The following GIT2 variants were observed in gnomAD, a reference collection of about 807,000 sequenced individuals.
GIT2 encodes the protein ARF GTPase-activating protein GIT2.
A neutral mutation model predicts 100.3 loss-of-function variants in GIT2; 32 were observed. The observed-to-expected ratio is 0.32, with a 90% CI of 0.24 to 0.43. The LOEUF (loss-of-function observed/expected upper bound fraction) is 0.43, where lower values mean the gene tolerates loss of function less well. Among genes scored for constraint, GIT2 ranks in the 20% least tolerant of loss-of-function variants. GIT2 has a pLI of 1.00. For synonymous variants in GIT2, 353 were observed against 364.1 expected (o/e 0.97, Z 0.35); for missense variants, 737 against 975.1 (o/e 0.76, Z 3.25).
chr12:109,992,607 G>A (rs1888630975), intron 1 of GIT2, among the ~76,000 whole-genome samples: 1 of 152,192 alleles, frequency 6.6e-6, no homozygotes, highest in South Asian at 2.1e-4. Flanking sequence ...CTATGGTTCT[G>A]AGGACAGGGA....
intron 2 of GIT2, among the ~76,000 whole-genome samples, chr12:109,990,224 C>T (rs1426166517): frequency 1.3e-5 from 2 of 152,154 alleles, no homozygotes; most frequent in Admixed American, 6.5e-5. Context: ...TTCCCATACA[C>T]AGTAAAATAA....
intron 2 of GIT2, among the ~76,000 whole-genome samples, chr12:109,990,546 G>A (rs1319886105): frequency 6.6e-6 from 1 of 152,224 alleles, no homozygotes; most frequent in Non-Finnish European, 1.5e-5. Flanking sequence ...CAGCAGTGTA[G>A]TTATTTTCAC....
intron 16 of GIT2, among the ~76,000 whole-genome samples, chr12:109,942,084 C>T (rs560488840): frequency 6.6e-6 from 1 of 152,148 alleles, no homozygotes; most frequent in Non-Finnish European, 1.5e-5. Flanking sequence ...TTTGGCCTCC[C>T]AAAGTGCTGG....
rs979653077 is a variant in GIT2, at chr12:109,989,175, A to G, written c.300-107T>C. On this transcript the variant is annotated intron_variant, in intron 3 of 19. Transcript: ENST00000355312. ...AGTGACCCACATCCCCCACTTGAGAATAAAATGAACAATGCTCAAGTAAGT... is the reference window on the plus strand; with the variant it reads ...AGTGACCCACATCCCCCACTTGAGAGTAAAATGAACAATGCTCAAGTAAGT... 4 of 739,582 alleles carry G rather than the reference A, an allele frequency of 5.4e-6. No individual in the cohort carries two copies. In the Admixed American group the frequency reaches 6.1e-5, roughly 11 times the overall value. The allele number at this position is 739,582 out of a possible 1,614,324, so 45.8% of individuals were successfully genotyped here. A position where few individuals can be genotyped will look rare whatever the true frequency, so the allele number is the denominator to read the frequency against.
upstream of GIT2, chr12:109,996,457 G>A (rs1889452646): frequency 3.9e-6 from 2 of 507,076 alleles, no homozygotes; most frequent in South Asian, 2.6e-5. Context: ...CTTGAGTGAG[G>A]GCAGGAGACT....
At chr12:109,977,386 C>A (rs1885323381) in intron 7 of GIT2, among the ~76,000 whole-genome samples, 1 of 151,884 alleles carries the variant, frequency 6.6e-6, no homozygotes, top group South Asian at 2.1e-4. Context: ...TGGCACACAC[C>A]TGTAGTCCCA....
intron 7 of GIT2, among the ~76,000 whole-genome samples, chr12:109,973,337 C>T (rs893440750): frequency 1.3e-5 from 2 of 151,438 alleles, no homozygotes; most frequent in Admixed American, 1.3e-4. Context: ...GACGGAGTTT[C>T]ACCATGTTGG....
chr12:109,936,529 T>C (rs1357169115), intron 18 of GIT2, among the ~76,000 whole-genome samples: 1 of 152,120 alleles, frequency 6.6e-6, no homozygotes, highest in Non-Finnish European at 1.5e-5. Flanking sequence ...GGGGTCACGG[T>C]GCTCGGGAAG....
intron 15 of GIT2, among the ~76,000 whole-genome samples, chr12:109,945,893 G>A (rs140275041): frequency 1.3e-5 from 2 of 152,226 alleles, no homozygotes; most frequent in African/African-American, 4.8e-5. Context: ...CTAGCACTTT[G>A]GGAGGCTGAG....
intron 6 of GIT2, chr12:109,982,775 G>A (rs1371599660): frequency 6.6e-6 from 1 of 151,870 alleles, no homozygotes; most frequent in Non-Finnish European, 1.5e-5. Flanking sequence ...CGGGTAGCGG[G>A]ATTACAGGTG....
chr12:109,937,973 G>A (rs565752832), intron 18 of GIT2, among the ~76,000 whole-genome samples: 2 of 152,256 alleles, frequency 1.3e-5, no homozygotes, highest in South Asian at 4.1e-4. Flanking sequence ...AAAGTGCCGG[G>A]ATTACAGGTG....
chr12:109,952,983 T>C, intron 13 of GIT2, 109 bp downstream of exon 13: 3 of 1,024,210 alleles, frequency 2.9e-6, no homozygotes, highest in South Asian at 1.5e-5. Flanking sequence ...GTTTCACCTT[T>C]GCTTGGCCTG....
intron 7 of GIT2, among the ~76,000 whole-genome samples, chr12:109,971,885 A>G (rs1216718270): frequency 6.6e-6 from 1 of 151,562 alleles, no homozygotes; most frequent in African/African-American, 2.4e-5. Context: ...TCTCAGCTAC[A>G]TGGGAGGCTG....
chr12:109,953,431 C>T, intron 12 of GIT2, 197 bp from the exon 13 acceptor site: 3 of 566,184 alleles, frequency 5.3e-6, no homozygotes, highest in East Asian at 6.0e-5. Flanking sequence ...CCTACCTAGG[C>T]AACACAATGA....
chr12:109,979,341 T>G (rs1302862237), intron 7 of GIT2, among the ~76,000 whole-genome samples: 1 of 139,022 alleles, frequency 7.2e-6, no homozygotes, highest in Non-Finnish European at 1.5e-5. Flanking sequence ...AGTGGCGCAA[T>G]CTTGGCTCAC....
intron 4 of GIT2, among the ~76,000 whole-genome samples, chr12:109,985,862 CAA>C (rs1440264314): frequency 6.3e-5 from 8 of 127,812 alleles, no homozygotes; most frequent in Non-Finnish European, 1.1e-4. Context: ...AAAACAAAAA[CAA>C]AACACACACA....
chr12:109,970,702 T>C (rs1463844799), intron 7 of GIT2, among the ~76,000 whole-genome samples: 3 of 152,198 alleles, frequency 2.0e-5, no homozygotes, highest in African/African-American at 7.2e-5. Flanking sequence ...TTCTGAAAAA[T>C]TGGGTGCTGT....
rs759431733 is a variant in GIT2, at chr12:109,961,568, C to T, written c.889+45G>A. ...CACTGAGCCTGGCAGCTTTTCACTGCCCACTGATAACAGAAGCTTATTAGA... is the reference window on the plus strand; with the variant it reads ...CACTGAGCCTGGCAGCTTTTCACTGTCCACTGATAACAGAAGCTTATTAGA... On this transcript the variant is annotated intron_variant, in intron 10 of 19. Coordinates refer to ENST00000355312, the MANE Select transcript of GIT2 (RefSeq NM_057169.5). 59 of 1,247,448 alleles carry T rather than the reference C, an allele frequency of 4.7e-5. No individual in the cohort carries two copies. In the East Asian group the frequency reaches 1.3e-3, roughly 28 times the overall value. 77.3% of individuals were successfully genotyped at this position (1,247,448 alleles called of 1,614,324 possible).
At chr12:109,985,336 C>T (rs2136868104) in intron 4 of GIT2, among the ~76,000 whole-genome samples, 1 of 151,926 alleles carries the variant, frequency 6.6e-6, no homozygotes, top group South Asian at 2.1e-4. Context: ...TCTTATTAAT[C>T]AATGGAAGTA....
Sources: allele counts gnomAD v4.1 joint callset (sites outside exome capture counted in the v4.1 genomes callset), GRCh38; gene constraint gnomAD v4.1.1; transcripts MANE v1.5; gene names NCBI Gene and HGNC (gene_info 2026-07-23, HGNC 2026-07-21).